Variants in CLPTM1L observed in about 807,000 individuals in gnomAD.
CLPTM1L encodes the protein lipid scramblase CLPTM1L.
Under a neutral mutation model 70.9 loss-of-function variants are expected in CLPTM1L, and 38 were observed. The observed-to-expected ratio is 0.54, with a 90% CI of 0.41 to 0.70. The LOEUF is 0.70. Ranked by LOEUF, CLPTM1L falls within the 30% of genes least tolerant of loss-of-function variation. The pLI is 0.00. For synonymous variants in CLPTM1L, 339 were observed against 299.9 expected (o/e 1.13, Z -1.35); for missense variants, 652 against 705.9 (o/e 0.92, Z 0.87).
Position 1,318,964 on chromosome 5 carries a change from A to G in CLPTM1L, c.1533-511T>C, listed in dbSNP as rs1381192023. Among the ~76,000 whole-genome samples the G allele has an allele frequency of 1.3e-5, 2 of 152,192 alleles. No individual in the cohort carries two copies. Among genetic ancestry groups the G allele is most frequent in the Non-Finnish European group, 2.9e-5 (2 of 68,032 alleles). ...GGCAGCTCTACACGGCCGCGAACAG[A>G]AGTACAGGGTTTCAGCTTAAAAACA... On this transcript the variant is annotated intron_variant, in intron 16 of 16. Transcript: ENST00000320895. The surrounding 1 kb of genome is among the most constrained non-coding windows in gnomAD (Gnocchi z 8.9).
intron 8 of CLPTM1L, chr5:1,330,699 G>A (rs1047223503): frequency 2.2e-5 from 8 of 368,366 alleles, no homozygotes; most frequent in South Asian, 5.4e-5. Context: ...GCTTCCGGGC[G>A]TGTCTTATGC....
chr5:1,338,685 C>T (rs1753739957), intron 4 of CLPTM1L, among the ~76,000 whole-genome samples, 175 bp downstream of exon 4: 1 of 152,208 alleles, frequency 6.6e-6, no homozygotes, highest in Non-Finnish European at 1.5e-5. Flanking sequence ...CCCTTCCAGC[C>T]CTGTGGTAGC....
chr5:1,320,547 G>T, intron 16 of CLPTM1L, 69 bp downstream of exon 16: 1 of 825,768 alleles, frequency 1.2e-6, no homozygotes, highest in Non-Finnish European at 1.8e-6. Context: ...GGTGAAAGCC[G>T]TCATTCCGTT....
rs370846912 is a variant in CLPTM1L, at chr5:1,318,342, C to T, written c.*27G>A. The T allele has an allele frequency of 3.1e-5, 49 of 1,596,900 alleles. No homozygotes were observed. The highest frequency in any genetic ancestry group is 3.3e-5 in the Non-Finnish European group (39 of 1,166,098). On this transcript the variant is annotated 3_prime_UTR_variant, in exon 17 of 17. Transcript: ENST00000320895. The surrounding 1 kb of genome is among the most constrained non-coding windows in gnomAD (Gnocchi z 8.9). ...ATACTCATTGACAATTCAAGTTGCA[C>T]TTGGCTGGCGGCAGCCCGGGCGGCC...
rs78356714 is a variant in CLPTM1L, at chr5:1,334,402, C to T, written c.797-19G>A. On this transcript the variant is annotated intron_variant, in intron 6 of 16. Transcript: ENST00000320895. ...GAAAACCCTGTCAAGGAAAAAAAAACATACAATATAAAACAGGCAATGTCA... is the reference window on the plus strand; with the variant it reads ...GAAAACCCTGTCAAGGAAAAAAAAATATACAATATAAAACAGGCAATGTCA... 57 of 1,279,458 alleles carry T rather than the reference C, an allele frequency of 4.5e-5. 3 individuals carry two copies. In the Admixed American group the frequency reaches 9.7e-4, roughly 22 times the overall value. 79.3% of individuals were successfully genotyped at this position (1,279,458 alleles called of 1,614,324 possible). A position where few individuals can be genotyped will look rare whatever the true frequency, so the allele number is the denominator to read the frequency against.
chr5:1,329,052 A>C (rs1474345155), intron 9 of CLPTM1L, among the ~76,000 whole-genome samples: 1 of 152,216 alleles, frequency 6.6e-6, no homozygotes, highest in Non-Finnish European at 1.5e-5. Context: ...CCCCACCCAC[A>C]GGTGGGCCAC....
At position 1,318,523 on chromosome 5, in the gene CLPTM1L, G is replaced by GCAT; in HGVS notation, c.1533-73_1533-71dup. 1 of 1,264,514 alleles carries GCAT rather than the reference G, an allele frequency of 7.9e-7. No individual in the cohort carries two copies. Among genetic ancestry groups the GCAT allele is most frequent in the Non-Finnish European group, 1.1e-6 (1 of 873,668 alleles). The allele number at this position is 1,264,514 out of a possible 1,614,324, so 78.3% of individuals were successfully genotyped here. ...GCTATTTTTCTAAGAGGAGGACTTGGCATCCTCGATTTATTTTCCAGTGAG... is the reference window on the plus strand; with the variant it reads ...GCTATTTTTCTAAGAGGAGGACTTGGCATCATCCTCGATTTATTTTCCAGTGAG... On this transcript the variant is annotated intron_variant, in intron 16 of 16. Coordinates refer to ENST00000320895, the MANE Select transcript of CLPTM1L (RefSeq NM_030782.5). The surrounding 1 kb of genome is among the most constrained non-coding windows in gnomAD (Gnocchi z 8.9).
intron 12 of CLPTM1L, 96 bp downstream of exon 12, chr5:1,323,691 G>A (rs1225547604): frequency 4.9e-6 from 5 of 1,024,184 alleles, no homozygotes; most frequent in South Asian, 1.4e-5. Flanking sequence ...CCCCGGCCCC[G>A]AGTTTGCCCT....
At chr5:1,328,976 A>ACAGCTCCTCCTCTACAGAGACATTGCATC (rs1352886237) in intron 9 of CLPTM1L, among the ~76,000 whole-genome samples, 6 of 133,948 alleles carry the variant, frequency 4.5e-5, no homozygotes, top group Admixed American at 3.9e-4. Context: ...CACATTTCAT[A>ACAGCTCCTCCTCTACAGAGACATTGCATC]CAGCTCCTCC....
chr5:1,321,595 GCT>G (rs761809538), intron 15 of CLPTM1L, 38 bp downstream of exon 15: 6 of 1,591,666 alleles, frequency 3.8e-6, no homozygotes, highest in Non-Finnish European at 5.2e-6. Context: ...CTCACGCTCT[GCT>G]CAGTGAGAAG....
rs994838532 is a variant in CLPTM1L at position 1,342,962 on chromosome 5, C to T, written c.264-1102G>A. ...AATCCCAGCACCTTGGGAGGCCGAG[C>T]CGGGCAGATCACGAGGTCAGGAGTT... is the stretch of plus-strand genomic sequence containing the variant. On this transcript the variant is annotated intron_variant, in intron 2 of 16. Coordinates refer to ENST00000320895, the MANE Select transcript of CLPTM1L (RefSeq NM_030782.5). This position sits in a 1 kb window ranked among gnomAD's most constrained non-coding sequence, Gnocchi z 4.3. Among the ~76,000 whole-genome samples, 2 of 152,162 alleles carry T rather than the reference C, an allele frequency of 1.3e-5. No individual in the cohort carries two copies. The highest frequency in any genetic ancestry group is 4.8e-5 in the African/African-American group (2 of 41,446).
At chr5:1,323,653 G>A (rs1167926703) in intron 12 of CLPTM1L, 134 bp downstream of exon 12, 3 of 681,222 alleles carry the variant, frequency 4.4e-6, no homozygotes, top group Non-Finnish European at 7.8e-6. Context: ...TGCAGGGGCA[G>A]GACCCCTCCC....
At chr5:1,327,603 C>A (rs549758632) in intron 9 of CLPTM1L, among the ~76,000 whole-genome samples, 2 of 149,896 alleles carry the variant, frequency 1.3e-5, no homozygotes, top group African/African-American at 4.9e-5. Context: ...TCTACAGACA[C>A]ATTTCATCCA....
rs1048651175 is a variant in CLPTM1L, at chr5:1,340,070, C to T, written c.454-1065G>A. On this transcript the variant is annotated intron_variant, in intron 3 of 16. Transcript: ENST00000320895. ...ACAGCTGCCAATTCCGCCAGACTCT[C>T]GCCAAACAGCCCCCCATCCTTATCT... Among the ~76,000 whole-genome samples, 6 of 152,232 alleles carry T rather than the reference C, an allele frequency of 3.9e-5. No individual in the cohort carries two copies. The East Asian group carries it at 7.7e-4, about 20-fold the overall frequency.
At chr5:1,343,987 G>C (rs1316805875) in intron 2 of CLPTM1L, among the ~76,000 whole-genome samples, 1 of 152,160 alleles carries the variant, frequency 6.6e-6, no homozygotes, top group Admixed American at 6.5e-5. Context: ...AGTAACTTAA[G>C]CGAACTACTT....
chr5:1,329,545 T>C (rs71595029), intron 9 of CLPTM1L, among the ~76,000 whole-genome samples: 5,117 of 102,660 alleles, frequency 0.05, 89 homozygotes, highest in African/African-American at 0.13. Context: ...GACTCTCTGC[T>C]TGGTGGACAG....
chr5:1,339,755 C>T (rs1475968162), intron 3 of CLPTM1L, among the ~76,000 whole-genome samples: 4 of 68,216 alleles, frequency 5.9e-5, no homozygotes, highest in Non-Finnish European at 2.8e-5. Flanking sequence ...ATGGAAAAAC[C>T]GCGCCCGGAC....
At chr5:1,332,807 C>T (rs1336152905) in intron 7 of CLPTM1L, among the ~76,000 whole-genome samples, 1 of 152,226 alleles carries the variant, frequency 6.6e-6, no homozygotes, top group African/African-American at 2.4e-5. Context: ...TTTATCAAAA[C>T]CATTACATAA....
Position 1,324,811 on chromosome 5 carries a change from A to G in CLPTM1L, c.1149T>C (p.Phe383=). 6.2e-7 allele frequency: 1 copy of G among 1,613,922 alleles called. No homozygotes were observed. The highest frequency in any genetic ancestry group is 8.5e-7 in the Non-Finnish European group (1 of 1,179,778). ...TCCTCTCAGATTCGCTGTAAGTGCC[A>G]AACTGTTGTGAAATTCAACACAGTG... The part of the protein sequence containing the change: ...FWRGLMPEFQ[F]GTYSESERKT... The change falls in exon 11 of 17, where the codon TTT becomes TTC. Residue 383 remains phenylalanine (F), a splice_region_variant and synonymous_variant. Coordinates refer to ENST00000320895, the MANE Select transcript of CLPTM1L (RefSeq NM_030782.5).
Sources: gnomAD v4.1 joint callset for allele counts (sites outside exome capture counted in the v4.1 genomes callset) on GRCh38, gnomAD v4.1.1 for gene constraint, Gnocchi (gnomAD v3.1) non-coding constraint, MANE v1.5 for transcripts, NCBI Gene and HGNC (gene_info 2026-07-23, HGNC 2026-07-21) for gene names.